Variants in CTIF observed in about 807,000 individuals in gnomAD.
CTIF encodes the protein cap binding complex dependent translation initiation factor, also known as CBP80/20-dependent translation initiation factor.
A neutral mutation model predicts 66.0 loss-of-function variants in CTIF; 21 were observed. The ratio of observed to expected loss-of-function variants is 0.32; its 90% CI spans 0.23 to 0.46. The LOEUF is 0.46. CTIF is among the 20% of genes least tolerant of loss of function. The pLI, the probability that CTIF is intolerant of heterozygous loss-of-function variation, is 1.00. For synonymous variants in CTIF, 345 were observed against 326.4 expected (o/e 1.06, Z -0.62); for missense variants, 739 against 812.7 (o/e 0.91, Z 1.10).
At chr18:48,649,495 G>T (rs1342831290) in intron 3 of CTIF, among the ~76,000 whole-genome samples, 1 of 152,230 alleles carries the variant, frequency 6.6e-6, no homozygotes, top group Non-Finnish European at 1.5e-5. Flanking sequence ...AAGGCCTGTT[G>T]CCTCTGTAGA....
At chr18:48,692,206 C>G (rs2091936554) in intron 6 of CTIF, among the ~76,000 whole-genome samples, 1 of 151,990 alleles carries the variant, frequency 6.6e-6, no homozygotes, top group African/African-American at 2.4e-5. Flanking sequence ...ACAAAAAACC[C>G]TTGCTCAACT....
At chr18:48,559,745 G>A (rs1275649286) in intron 1 of CTIF, among the ~76,000 whole-genome samples, 1 of 151,572 alleles carries the variant, frequency 6.6e-6, no homozygotes, top group African/African-American at 2.4e-5. Flanking sequence ...TGGTGGCTGG[G>A]TTTGAAAAGT....
intron 10 of CTIF, among the ~76,000 whole-genome samples, chr18:48,840,657 G>A (rs2068918833): frequency 6.6e-6 from 1 of 152,142 alleles, no homozygotes; most frequent in Admixed American, 6.5e-5. Context: ...ATGGGTGGCT[G>A]CTCCTCTGAG....
At chr18:48,552,952 T>C (rs188855682) in intron 1 of CTIF, among the ~76,000 whole-genome samples, 38 of 152,300 alleles carry the variant, frequency 2.5e-4, no homozygotes, top group African/African-American at 8.7e-4. Context: ...GACGATATAA[T>C]ACTAAAGTCT....
chr18:48,672,412 C>T lies in CTIF; in HGVS notation c.507+1668C>T, dbSNP rs531647900. Among the ~76,000 whole-genome samples the T allele has an allele frequency of 1.6e-4, 25 of 152,248 alleles. No homozygotes were observed. The South Asian group carries it at 4.4e-3, about 27-fold the overall frequency. ...CTCCTGGCCTCTGCCACTGAATGGC[C>T]GTCACTGGAGAGGGGCAGGCATAGT... is the stretch of plus-strand genomic sequence containing the variant. On this transcript the variant is annotated intron_variant, in intron 6 of 11. Transcript: ENST00000256413.
chr18:48,574,238 A>G (rs1296134557), intron 1 of CTIF, among the ~76,000 whole-genome samples: 4 of 152,176 alleles, frequency 2.6e-5, no homozygotes. Context: ...TTGGGGATAA[A>G]TTTATTTTTC....
chr18:48,672,978 T>A (rs2091560495), intron 6 of CTIF, among the ~76,000 whole-genome samples: 1 of 152,188 alleles, frequency 6.6e-6, no homozygotes, highest in Non-Finnish European at 1.5e-5. Context: ...GGCGGTTCCC[T>A]CTGCCTAAAA....
chr18:48,842,396 G>T (rs1333247752), intron 10 of CTIF, among the ~76,000 whole-genome samples: 1 of 152,190 alleles, frequency 6.6e-6, no homozygotes, highest in Non-Finnish European at 1.5e-5. Flanking sequence ...CAGGCCTGTG[G>T]GTGGGAGTGC....
chr18:48,856,161 C>T lies in CTIF; in HGVS notation c.1528-1427C>T, dbSNP rs76866352. ...GGTCCGTGGGGCTTGGTGAGCTTCT[C>T]GGAAGCCACGCCCAGAGAGGGTTTC... On this transcript the variant is annotated intron_variant, in intron 10 of 11. Coordinates refer to ENST00000256413, the MANE Select transcript of CTIF (RefSeq NM_014772.3). 6.9e-3 allele frequency among the ~76,000 whole-genome samples: 1,050 copies of T among 152,290 alleles called. 7 individuals carry two copies. The highest frequency in any genetic ancestry group is 0.027 in the Middle Eastern group (8 of 294).
chr18:48,777,252 AG>A (rs1318972995), intron 9 of CTIF, among the ~76,000 whole-genome samples: 1 of 152,198 alleles, frequency 6.6e-6, no homozygotes, highest in African/African-American at 2.4e-5. Context: ...GGCGGCCTGC[AG>A]GGGGCACCAG....
intron 7 of CTIF, among the ~76,000 whole-genome samples, chr18:48,723,215 C>T (rs957201760): frequency 6.6e-6 from 1 of 152,144 alleles, no homozygotes; most frequent in African/African-American, 2.4e-5. Context: ...CTACATACTC[C>T]CCCTGTTAAC....
chr18:48,718,656 A>G (rs1317462694), intron 7 of CTIF, among the ~76,000 whole-genome samples: 1 of 152,104 alleles, frequency 6.6e-6, no homozygotes, highest in Non-Finnish European at 1.5e-5. Context: ...CCACACTGGG[A>G]GAGAGATCTT....
rs375083702 is a variant in CTIF at position 48,678,707 on chromosome 18, C to T, written c.507+7963C>T. Among the ~76,000 whole-genome samples the T allele has an allele frequency of 3.8e-3, 575 of 151,836 alleles. 3 individuals carry two copies. The highest frequency in any genetic ancestry group is 0.014 in the African/African-American group (559 of 41,370). Reference sequence around the variant, plus strand: ...TCTGCGTCTAGATGGGGTTTCCACGCGGGCCTCCTCCTGCTCACTCCATGC... The same window carrying T: ...TCTGCGTCTAGATGGGGTTTCCACGTGGGCCTCCTCCTGCTCACTCCATGC... On this transcript the variant is annotated intron_variant, in intron 6 of 11. Transcript: ENST00000256413.
intron 7 of CTIF, among the ~76,000 whole-genome samples, chr18:48,747,062 T>C (rs181726992): frequency 1.9e-4 from 29 of 152,292 alleles, no homozygotes. Flanking sequence ...TTATGTTGCT[T>C]TGTGGCTACC....
chr18:48,821,314 C>T (rs1253285675), intron 10 of CTIF, among the ~76,000 whole-genome samples: 2 of 152,252 alleles, frequency 1.3e-5, no homozygotes, highest in Admixed American at 1.3e-4. Context: ...CCATCTCAAT[C>T]GAGTGCCTCG....
rs981587178 is a variant in CTIF at position 48,797,814 on chromosome 18, T to A, written c.1372-19407T>A. On this transcript the variant is annotated intron_variant, in intron 9 of 11. Coordinates refer to ENST00000256413, the MANE Select transcript of CTIF (RefSeq NM_014772.3). ...TACCTGTGTGAGGTAACAGGGAGCA[T>A]CTTACTAACCTATTCTCCAGATGCA... 3.9e-5 allele frequency among the ~76,000 whole-genome samples: 6 copies of A among 152,234 alleles called. No homozygotes were observed. In the East Asian group the frequency reaches 1.2e-3, roughly 29 times the overall value.
chr18:48,820,467 C>G (rs957661554), intron 10 of CTIF, among the ~76,000 whole-genome samples: 1 of 152,084 alleles, frequency 6.6e-6, no homozygotes, highest in African/African-American at 2.4e-5. Context: ...TCCACAGCAC[C>G]CACTTTGCCC....
chr18:48,816,376 C>G (rs2068364090), intron 9 of CTIF, among the ~76,000 whole-genome samples: 1 of 152,176 alleles, frequency 6.6e-6, no homozygotes, highest in African/African-American at 2.4e-5. Flanking sequence ...TCTTTCAGCT[C>G]TCAGAGCGCT....
rs186137267 is a variant in CTIF at position 48,674,185 on chromosome 18, G to A, written c.507+3441G>A. Among the ~76,000 whole-genome samples the A allele has an allele frequency of 1.9e-3, 289 of 152,338 alleles. 2 individuals are homozygous for A. Among genetic ancestry groups the A allele is most frequent in the African/African-American group, 6.8e-3 (281 of 41,570 alleles). The stretch of plus-strand genomic sequence containing the variant: ...GATCACATAAGATACAGTTCCCCAC[G>A]AGAGGCACAGCCTAGTAGAGGAAAT... On this transcript the variant is annotated intron_variant, in intron 6 of 11. Coordinates refer to ENST00000256413, the MANE Select transcript of CTIF (RefSeq NM_014772.3).
Sources: allele counts gnomAD v4.1 joint callset (sites outside exome capture counted in the v4.1 genomes callset), GRCh38; gene constraint gnomAD v4.1.1; transcripts MANE v1.5; gene names NCBI Gene and HGNC (gene_info 2026-07-23, HGNC 2026-07-21).